FHIT: variants seen among roughly 807,000 people sequenced by gnomAD.
The protein encoded by FHIT is bis(5'-adenosyl)-triphosphatase.
In FHIT, 19 loss-of-function variants were observed where a neutral mutation model predicts 17.9. The ratio of observed to expected loss-of-function variants is 1.06; its 90% CI spans 0.74 to 1.56. The LOEUF (loss-of-function observed/expected upper bound fraction) is 1.56, where lower values mean the gene tolerates loss of function less well. FHIT is among the 40% of genes most tolerant of loss of function. The probability of loss-of-function intolerance (pLI) is 0.00; values close to 1 mark genes in which losing one functional copy is unlikely to be tolerated. For missense variants in FHIT, 248 were observed against 189.2 expected, an observed-to-expected ratio of 1.31 and a Z score of -1.82; for synonymous variants, 81 against 69.7, an observed-to-expected ratio of 1.16 and a Z score of -0.81.
intron 4 of FHIT, chr3:60,730,119 A>T (rs1471133048): frequency 2.0e-6 from 1 of 507,076 alleles, no homozygotes; most frequent in Non-Finnish European, 4.0e-6. Context: ...TGGCAATTAG[A>T]ACAAGAGCTT....
intron 4 of FHIT, chr3:60,732,205 C>T (rs1240509875): frequency 3.7e-6 from 3 of 816,532 alleles, no homozygotes; most frequent in Non-Finnish European, 4.2e-6. Flanking sequence ...ATTCCTGGAC[C>T]CAAAGTGTTC....
chr3:61,144,808 AAGCATCTCTT>A (rs2037181259), intron 2 of FHIT, among the ~76,000 whole-genome samples: 1 of 152,192 alleles, frequency 6.6e-6, no homozygotes, highest in Admixed American at 6.5e-5. Flanking sequence ...GAGTGATACT[AAGCATCTCTT>A]CGTGTGCTAT....
At chr3:60,730,049 T>C in intron 4 of FHIT, 1 of 461,022 alleles carries the variant, frequency 2.2e-6, no homozygotes, top group Non-Finnish European at 4.3e-6. Flanking sequence ...GAAGAGGCTT[T>C]TGAAACAACC....
chr3:60,240,447 G>A (rs907915464), intron 5 of FHIT, among the ~76,000 whole-genome samples: 1 of 152,152 alleles, frequency 6.6e-6, no homozygotes, highest in Non-Finnish European at 1.5e-5. Context: ...ATGCAAAGCA[G>A]CTAATGAAGA....
chr3:60,153,039 GTTCT>G (rs1700533603), intron 5 of FHIT, among the ~76,000 whole-genome samples: 2 of 152,144 alleles, frequency 1.3e-5, no homozygotes, highest in Non-Finnish European at 2.9e-5. Context: ...TCTCTGTGAA[GTTCT>G]TTCTCACTGC....
At chr3:61,117,954 T>C (rs756822573) in intron 2 of FHIT, among the ~76,000 whole-genome samples, 8 of 152,204 alleles carry the variant, frequency 5.3e-5, no homozygotes, top group Non-Finnish European at 7.3e-5. Flanking sequence ...AGTTCATTTA[T>C]ACAAATCAGA....
chr3:60,113,966 C>A (rs1461462382), intron 5 of FHIT, among the ~76,000 whole-genome samples: 1 of 115,186 alleles, frequency 8.7e-6, no homozygotes, highest in East Asian at 2.6e-4. Context: ...CGCGCCACAG[C>A]ACTCCAGCCT....
chr3:60,731,838 C>T (rs2042036638), intron 4 of FHIT, among the ~76,000 whole-genome samples: 1 of 152,174 alleles, frequency 6.6e-6, no homozygotes, highest in South Asian at 2.1e-4. Flanking sequence ...ACCTGATGGT[C>T]GCCTGACATT....
At chr3:61,022,362 A>C (rs1458701602) in intron 3 of FHIT, among the ~76,000 whole-genome samples, 4 of 152,230 alleles carry the variant, frequency 2.6e-5, no homozygotes, top group African/African-American at 9.6e-5. Context: ...ATAGCCTACC[A>C]ACCAAACAAA....
chr3:60,026,184 C>T (rs960389592), intron 5 of FHIT, among the ~76,000 whole-genome samples: 13 of 152,306 alleles, frequency 8.5e-5, no homozygotes, highest in South Asian at 2.1e-4. Flanking sequence ...TTCTTCAAAT[C>T]TCCTAGCCTA....
At chr3:60,302,462 C>T (rs2106715897) in intron 5 of FHIT, among the ~76,000 whole-genome samples, 1 of 152,180 alleles carries the variant, frequency 6.6e-6, no homozygotes, top group Non-Finnish European at 1.5e-5. Context: ...TATGTTTTAC[C>T]ATATTTCTTT....
chr3:59,959,926 A>C (rs1242340728), intron 7 of FHIT, among the ~76,000 whole-genome samples: 4 of 152,184 alleles, frequency 2.6e-5, no homozygotes, highest in Non-Finnish European at 5.9e-5. Flanking sequence ...AGAACTAATA[A>C]GGAGATAATA....
intron 5 of FHIT, among the ~76,000 whole-genome samples, chr3:60,249,911 G>A (rs1235263361): frequency 1.3e-5 from 2 of 152,210 alleles, no homozygotes; most frequent in Non-Finnish European, 1.5e-5. Context: ...ATGGCAGCAG[G>A]AAGGAGAGCC....
intron 5 of FHIT, among the ~76,000 whole-genome samples, chr3:60,160,478 C>G (rs1366093259): frequency 6.6e-6 from 1 of 152,068 alleles, no homozygotes; most frequent in Admixed American, 6.6e-5. Flanking sequence ...TGTTGTTGTT[C>G]TAATGTTGCC....
chr3:60,140,474 G>A (rs1699994021), intron 5 of FHIT, among the ~76,000 whole-genome samples: 8 of 151,906 alleles, frequency 5.3e-5, no homozygotes, highest in Admixed American at 5.2e-4. Context: ...CTAGTGGCAA[G>A]ATAGTAACAT....
chr3:60,968,753 G>T (rs1709870105), intron 3 of FHIT, among the ~76,000 whole-genome samples: 1 of 152,080 alleles, frequency 6.6e-6, no homozygotes, highest in African/African-American at 2.4e-5. Flanking sequence ...AGGAAGCTCA[G>T]CTCTATTCCC....
intron 7 of FHIT, among the ~76,000 whole-genome samples, chr3:60,004,353 T>C (rs942159028): frequency 2.0e-5 from 3 of 152,172 alleles, no homozygotes; most frequent in Non-Finnish European, 4.4e-5. Context: ...CACTTTGCTA[T>C]ATGTCAGGGC....
At chr3:60,190,343 T>A (rs1576281185) in intron 5 of FHIT, among the ~76,000 whole-genome samples, 2 of 141,230 alleles carry the variant, frequency 1.4e-5, no homozygotes, top group African/African-American at 2.7e-5. Flanking sequence ...AGAGTGGGAG[T>A]GAGATGAGAC....
At chr3:60,578,851 TCTTTTA>T (rs1418857443) in intron 4 of FHIT, among the ~76,000 whole-genome samples, 1 of 152,174 alleles carries the variant, frequency 6.6e-6, no homozygotes, top group Non-Finnish European at 1.5e-5. Context: ...CCAATTTTAT[TCTTTTA>T]CTATTACAGA....
Sources: allele counts gnomAD v4.1 joint callset (sites outside exome capture counted in the v4.1 genomes callset), GRCh38; gene constraint gnomAD v4.1.1; transcripts MANE v1.5; gene names NCBI Gene and HGNC (gene_info 2026-07-23, HGNC 2026-07-21).